The following HECW1 variants were observed in gnomAD, a reference collection of about 807,000 sequenced individuals.
The protein encoded by HECW1 is HECT, C2 and WW domain containing E3 ubiquitin protein ligase 1, also known as E3 ubiquitin-protein ligase HECW1.
In HECW1, 61 loss-of-function variants were observed where a neutral mutation model predicts 182.3. That is an observed-to-expected ratio of 0.33 (90% CI 0.27 to 0.41). The LOEUF is 0.41. Among genes scored for constraint, HECW1 ranks in the 10% least tolerant of loss-of-function variants. The probability of loss-of-function intolerance (pLI) is 1.00; values close to 1 mark genes in which losing one functional copy is unlikely to be tolerated. For synonymous variants in HECW1, 859 were observed against 832.6 expected (o/e 1.03, Z -0.55); for missense variants, 1,739 against 2,108.9 (o/e 0.82, Z 3.44).
In HECW1 at chr7:43,426,539, T is replaced by C. The variant is rs115102836; in HGVS notation, c.802-11464T>C. Reference sequence around the variant, plus strand: ...GTTTTTGATTTGCAGCTAATTTTATTTGGGATTTCTGTAATTATCTATGTT... The same window carrying C: ...GTTTTTGATTTGCAGCTAATTTTATCTGGGATTTCTGTAATTATCTATGTT... On this transcript the variant is annotated intron_variant, in intron 8 of 29. Transcript: ENST00000395891. Among the ~76,000 whole-genome samples, 416 of 152,314 alleles carry C rather than the reference T, an allele frequency of 2.7e-3. 1 individual carries two copies. Among genetic ancestry groups the C allele is most frequent in the African/African-American group, 9.0e-3 (376 of 41,580 alleles).
intron 2 of HECW1, among the ~76,000 whole-genome samples, chr7:43,236,708 A>G (rs902518297): frequency 6.6e-6 from 1 of 152,096 alleles, no homozygotes; most frequent in Non-Finnish European, 1.5e-5. Flanking sequence ...TCAAATATGC[A>G]TTTGTCTCAG....
At chr7:43,209,290 G>T (rs890536825) in intron 2 of HECW1, among the ~76,000 whole-genome samples, 5 of 152,162 alleles carry the variant, frequency 3.3e-5, no homozygotes, top group African/African-American at 7.2e-5. Context: ...CCTGTCCCCT[G>T]TTGCTCCTGC....
In HECW1 at chr7:43,412,338, G is replaced by A. The variant is rs2075828638; in HGVS notation, c.801+4607G>A. Among the ~76,000 whole-genome samples the A allele has an allele frequency of 2.6e-5, 4 of 152,020 alleles. No homozygotes were observed. The South Asian group carries it at 8.3e-4, about 32-fold the overall frequency. Reference sequence around the variant, plus strand: ...ACGATGTTAAAAATTTTTGCTTTAAGTGGATGTGTATTTTAAAGAAACTAG... The same window carrying A: ...ACGATGTTAAAAATTTTTGCTTTAAATGGATGTGTATTTTAAAGAAACTAG... On this transcript the variant is annotated intron_variant, in intron 8 of 29. Transcript: ENST00000395891.
In HECW1 at chr7:43,358,668, G is replaced by A. The variant is rs184761548; in HGVS notation, c.461-2218G>A. Among the ~76,000 whole-genome samples the A allele has an allele frequency of 2.0e-3, 306 of 152,050 alleles. 1 individual carries two copies. The highest frequency in any genetic ancestry group is 6.8e-3 in the Middle Eastern group (2 of 294). On this transcript the variant is annotated intron_variant, in intron 5 of 29. Coordinates refer to ENST00000395891, the MANE Select transcript of HECW1 (RefSeq NM_015052.5). ...AATAAATGAAACAAAAATAATAATC[G>A]GATTCTATTTTAAGCCTATTTTTAA...
intron 2 of HECW1, among the ~76,000 whole-genome samples, chr7:43,176,948 G>C (rs1299698840): frequency 6.6e-6 from 1 of 152,108 alleles, no homozygotes; most frequent in Non-Finnish European, 1.5e-5. Context: ...GCCTCTTCCT[G>C]AGATCCCTTA....
chr7:43,416,146 C>G (rs967517471), intron 8 of HECW1, among the ~76,000 whole-genome samples: 35 of 150,698 alleles, frequency 2.3e-4, no homozygotes, highest in African/African-American at 8.5e-4. Flanking sequence ...TGTTTTTTCC[C>G]GATCTTTGTG....
chr7:43,521,746 A>C lies in HECW1; in HGVS notation c.4019+12625A>C, dbSNP rs150963033. On this transcript the variant is annotated intron_variant, in intron 24 of 29. Coordinates refer to ENST00000395891, the MANE Select transcript of HECW1 (RefSeq NM_015052.5). ...AAAAATTAGCCAGGCGTGGTGGCAC[A>C]TGTCTGTAATCCCAGCTACTCAGGA... is the stretch of plus-strand genomic sequence containing the variant. Among the ~76,000 whole-genome samples the C allele has an allele frequency of 7.6e-3, 1,159 of 152,304 alleles. 4 individuals carry two copies. Among genetic ancestry groups the C allele is most frequent in the Non-Finnish European group, 0.01 (712 of 68,010 alleles).
At chr7:43,224,990 G>A (rs887874238) in intron 2 of HECW1, among the ~76,000 whole-genome samples, 2 of 152,150 alleles carry the variant, frequency 1.3e-5, no homozygotes, top group African/African-American at 4.8e-5. Context: ...CATCCTGCAG[G>A]CAACTCGGGG....
intron 2 of HECW1, among the ~76,000 whole-genome samples, chr7:43,206,584 T>C (rs1583968298): frequency 6.6e-6 from 1 of 152,316 alleles, no homozygotes; most frequent in South Asian, 2.1e-4. Flanking sequence ...CTGAAGCTCA[T>C]TAATCTCTGT....
chr7:43,340,788 AT>A (rs1812873052), intron 5 of HECW1, among the ~76,000 whole-genome samples: 1 of 151,524 alleles, frequency 6.6e-6, no homozygotes, highest in Non-Finnish European at 1.5e-5. Flanking sequence ...ATACCATTTG[AT>A]CCCCTGATCC....
At chr7:43,241,656 GTGTGTT>G (rs1288074654) in intron 2 of HECW1, among the ~76,000 whole-genome samples, 11 of 136,560 alleles carry the variant, frequency 8.1e-5, no homozygotes, top group African/African-American at 2.8e-4. Context: ...GTGTGTGTGT[GTGTGTT>G]TAATTAATTG....
chr7:43,340,221 C>G (rs188794153), intron 5 of HECW1, among the ~76,000 whole-genome samples: 3,859 of 99,942 alleles, frequency 0.039, 206 homozygotes, highest in African/African-American at 0.14. Flanking sequence ...TCCCACCCCC[C>G]ACCCCTTTTT....
intron 5 of HECW1, among the ~76,000 whole-genome samples, chr7:43,338,835 A>G (rs2152798715): frequency 6.6e-6 from 1 of 152,322 alleles, no homozygotes; most frequent in Non-Finnish European, 1.5e-5. Context: ...AAAAAAAAAA[A>G]AGAGTTCCCT....
chr7:43,392,120 T>C (rs991393585), intron 6 of HECW1, among the ~76,000 whole-genome samples: 17 of 152,248 alleles, frequency 1.1e-4, no homozygotes, highest in African/African-American at 3.9e-4. Context: ...TGGAGCCTTA[T>C]ACTTTTCATT....
intron 2 of HECW1, among the ~76,000 whole-genome samples, chr7:43,119,742 A>T (rs918438462): frequency 6.6e-6 from 1 of 152,150 alleles, no homozygotes; most frequent in African/African-American, 2.4e-5. Flanking sequence ...TCTCAGGGAC[A>T]ACTCTGTCCT....
In HECW1 at chr7:43,444,243, C is replaced by G. The variant is rs776708224; in HGVS notation, c.1071C>G (p.Thr357=). 1.9e-6 allele frequency: 3 copies of G among 1,608,800 alleles called. No homozygotes were observed. Among genetic ancestry groups the G allele is most frequent in the African/African-American group, 2.7e-5 (2 of 74,794 alleles). Residue 357 remains threonine (T), a synonymous_variant, in exon 11 of 30, where the codon ACC becomes ACG. Transcript: ENST00000395891. This position sits in a 1 kb window ranked among gnomAD's most constrained non-coding sequence, Gnocchi z 4.3. The part of the protein sequence containing the change: ...HPDDEEISLS[T]EPESAQIQDS... ...ATGATGAGGAGATTTCCCTGAGTAC[C>G]GAGCCTGAGTCAGCCCAAATTCAGG...
intron 5 of HECW1, among the ~76,000 whole-genome samples, chr7:43,353,026 A>C (rs758070308): frequency 2.0e-5 from 3 of 152,204 alleles, no homozygotes; most frequent in Middle Eastern, 3.2e-3. Context: ...GTACTCTCTG[A>C]ATACATGCCC....
intron 3 of HECW1, among the ~76,000 whole-genome samples, chr7:43,295,839 A>C (rs1020828044): frequency 6.6e-6 from 1 of 152,220 alleles, no homozygotes; most frequent in Non-Finnish European, 1.5e-5. Flanking sequence ...TAAACAGAGA[A>C]AGATGCAATA....
At chr7:43,396,778 T>C (rs2075246779) in intron 6 of HECW1, 36 bp from the exon 7 acceptor site, 1 of 1,392,930 alleles carries the variant, frequency 7.2e-7, no homozygotes, top group Admixed American at 1.7e-5. Flanking sequence ...TTTCAGTGCT[T>C]GTTTTGTTTG....
Sources: allele counts gnomAD v4.1 joint callset (sites outside exome capture counted in the v4.1 genomes callset), GRCh38; gene constraint gnomAD v4.1.1; non-coding constraint Gnocchi (gnomAD v3.1); transcripts MANE v1.5; gene names NCBI Gene and HGNC (gene_info 2026-07-23, HGNC 2026-07-21).